GOLGB1: variants seen among roughly 807,000 people sequenced by gnomAD.
GOLGB1 encodes golgin B1.
In GOLGB1, 174 loss-of-function variants were observed where a neutral mutation model predicts 336.9. That is an observed-to-expected ratio of 0.52 (90% CI 0.46 to 0.59). The LOEUF (loss-of-function observed/expected upper bound fraction) is 0.59. GOLGB1 is among the 20% of genes least tolerant of loss of function. The pLI is 0.00. For missense variants in GOLGB1, 3,331 were observed against 3,645.3 expected (o/e 0.91, Z 2.22); for synonymous variants, 1,208 against 1,289.2 (o/e 0.94, Z 1.35).
intron 17 of GOLGB1, among the ~76,000 whole-genome samples, chr3:121,671,183 C>G (rs1939484513): frequency 6.6e-6 from 1 of 152,216 alleles, no homozygotes; most frequent in Non-Finnish European, 1.5e-5. Flanking sequence ...GCTGACCTCT[C>G]CTCTAGCTTA....
At chr3:121,732,623 G>A (rs1574735) in intron 1 of GOLGB1, among the ~76,000 whole-genome samples, 105,982 of 152,118 alleles carry the variant, frequency 0.7, 37,690 homozygotes, top group East Asian at 0.86. Flanking sequence ...ACCACATAAT[G>A]TCAATAGATT....
chr3:121,667,923 T>G (rs567213037), intron 19 of GOLGB1, 138 bp downstream of exon 19: 1 of 574,646 alleles, frequency 1.7e-6, no homozygotes, highest in East Asian at 2.9e-5. Context: ...TACTATTTGA[T>G]CCTCACATCA....
intron 17 of GOLGB1, among the ~76,000 whole-genome samples, chr3:121,673,645 CTAAG>C (rs1939886923): frequency 6.6e-6 from 1 of 151,882 alleles, no homozygotes; most frequent in Non-Finnish European, 1.5e-5. Context: ...AAATTGATTC[CTAAG>C]TATTTTAAAT....
intron 17 of GOLGB1, among the ~76,000 whole-genome samples, chr3:121,670,122 G>A (rs369894049): frequency 6.6e-6 from 1 of 152,136 alleles, no homozygotes; most frequent in Non-Finnish European, 1.5e-5. Flanking sequence ...TTTACCTATT[G>A]TAGCTTCTAC....
At chr3:121,719,887 A>G in intron 6 of GOLGB1, 119 bp from the exon 7 acceptor site, 1 of 811,586 alleles carries the variant, frequency 1.2e-6, no homozygotes, top group Non-Finnish European at 1.7e-6. Context: ...TTTAAAGTGA[A>G]ATTTTGATTG....
rs765644126 is a variant in GOLGB1 at position 121,698,527 on chromosome 3, A to G, written c.1996T>C (p.Leu666=). 16 of 1,613,748 alleles carry G rather than the reference A, an allele frequency of 9.9e-6. No individual in the cohort carries two copies. Among genetic ancestry groups the G allele is most frequent in the Non-Finnish European group, 1.3e-5 (15 of 1,179,774 alleles). ...TCACCATCCTGCTTTGTTGATTTCA[A>G]TTCTACTCCAGCATCATTTAAAGAT... ...EISLNDAGVE[L]KSTKQDGDKS... The change falls in exon 13 of 22, where the codon TTG becomes CTG. Residue 666 remains leucine (L), a synonymous_variant. Transcript: ENST00000614479.
chr3:121,677,007 G>A lies in GOLGB1; in HGVS notation c.9063C>T (p.Ser3021=), dbSNP rs868686619. ...QRQASPETSA[S]PDGSQNLVYE... ...AAACCAGATTTTGTGACCCATCTGG[G>A]GAAGCTGATGTCTCTGGGGATGCCT... Residue 3021 remains serine, a synonymous_variant, in exon 17 of 22, where the codon TCC becomes TCT. Transcript: ENST00000614479. 3 of 1,613,828 alleles carry A rather than the reference G, an allele frequency of 1.9e-6. No homozygotes were observed. Among genetic ancestry groups the A allele is most frequent in the Non-Finnish European group, 2.5e-6 (3 of 1,179,826 alleles).
At chr3:121,674,208 T>C (rs1288580535) in intron 17 of GOLGB1, among the ~76,000 whole-genome samples, 1 of 152,248 alleles carries the variant, frequency 6.6e-6, no homozygotes, top group Non-Finnish European at 1.5e-5. Context: ...AAGGCTAATT[T>C]GACCTCTTCC....
intron 20 of GOLGB1, among the ~76,000 whole-genome samples, chr3:121,665,861 C>A (rs1938538922): frequency 6.6e-6 from 1 of 152,232 alleles, no homozygotes; most frequent in Non-Finnish European, 1.5e-5. Context: ...AGGACACATT[C>A]TTTTCCCCGG....
chr3:121,713,980 A>G (rs1944551780), intron 10 of GOLGB1, among the ~76,000 whole-genome samples: 1 of 152,212 alleles, frequency 6.6e-6, no homozygotes, highest in South Asian at 2.1e-4. Flanking sequence ...TAATGATAGA[A>G]TTCAGATGGT....
intron 15 of GOLGB1, among the ~76,000 whole-genome samples, chr3:121,681,300 G>A (rs1362776055): frequency 6.6e-6 from 1 of 152,168 alleles, no homozygotes; most frequent in East Asian, 1.9e-4. Context: ...TGGTTGCTAG[G>A]GGTTAAGGAT....
At chr3:121,674,068 T>C (rs1939978827) in intron 17 of GOLGB1, among the ~76,000 whole-genome samples, 1 of 152,246 alleles carries the variant, frequency 6.6e-6, no homozygotes. Flanking sequence ...TGTTGGCATA[T>C]ATAAATGCTA....
intron 17 of GOLGB1, among the ~76,000 whole-genome samples, chr3:121,670,230 T>TA (rs1333855464): frequency 1.3e-5 from 2 of 152,200 alleles, no homozygotes; most frequent in African/African-American, 4.8e-5. Context: ...GGTACATTAA[T>TA]AACCATGGAG....
chr3:121,702,555 ACT>A lies in GOLGB1; in HGVS notation c.1443_1444del (p.Arg481SerfsTer7). The A allele has an allele frequency of 6.5e-7, 1 of 1,543,682 alleles. No homozygotes were observed. Among genetic ancestry groups the A allele is most frequent in the Non-Finnish European group, 8.7e-7 (1 of 1,145,980 alleles). ...TCCCTTTTCATTCTCTAGTTCTACC[ACT>A]CTCTTCTGCAAAGAAGCAATATTCT... is the stretch of plus-strand genomic sequence containing the variant. On this transcript the variant is annotated frameshift_variant, in exon 11 of 22. Transcript: ENST00000614479. LOFTEE classifies it high-confidence loss of function.
At chr3:121,667,644 A>T in intron 19 of GOLGB1, 34 bp from the exon 20 acceptor site, 1 of 1,605,426 alleles carries the variant, frequency 6.2e-7, no homozygotes, top group Non-Finnish European at 8.5e-7. Context: ...AAGCATCATC[A>T]GATGCAGAAA....
chr3:121,668,845 C>T (rs1939089792), intron 18 of GOLGB1, among the ~76,000 whole-genome samples: 1 of 152,074 alleles, frequency 6.6e-6, no homozygotes, highest in South Asian at 2.1e-4. Flanking sequence ...CAATGCTGTA[C>T]TCCTCTCCCT....
At chr3:121,684,127 C>CAAAAAAAAAAAAAAA (rs61510295) in intron 14 of GOLGB1, among the ~76,000 whole-genome samples, 8 of 10,910 alleles carry the variant, frequency 7.3e-4, no homozygotes, top group East Asian at 2.2e-3. Flanking sequence ...GACGCCGTCT[C>CAAAAAAAAAAAAAAA]AAAAAAAAAA....
chr3:121,669,307 C>T lies in GOLGB1; in HGVS notation c.9226G>A (p.Asp3076Asn), dbSNP rs771953268. 1.7e-5 allele frequency: 28 copies of T among 1,613,652 alleles called. No individual in the cohort carries two copies. Among genetic ancestry groups the T allele is most frequent in the Admixed American group, 8.3e-5 (5 of 60,006 alleles). ...EKNTLSIQLC[D>N]TSQSLRENQQ... ...TTCTCACGAAGACTCTGACTGGTATCGCAGAGCTGAATGGAAAGGGTGTTT... is the reference window on the plus strand; with the variant it reads ...TTCTCACGAAGACTCTGACTGGTATTGCAGAGCTGAATGGAAAGGGTGTTT... Residue 3076 changes from aspartate to asparagine, a missense_variant, in exon 18 of 22, where the codon GAT becomes AAT. By Grantham distance (23) the Asp-to-Asn change is conservative. Transcript: ENST00000614479.
At chr3:121,673,057 G>A (rs1156295008) in intron 17 of GOLGB1, among the ~76,000 whole-genome samples, 1 of 148,486 alleles carries the variant, frequency 6.7e-6, no homozygotes. Context: ...TGTTTTGTGT[G>A]TTTTTTTGTT....
Sources: gnomAD v4.1 joint callset for allele counts (sites outside exome capture counted in the v4.1 genomes callset) on GRCh38, gnomAD v4.1.1 for gene constraint, MANE v1.5 for transcripts, NCBI Gene and HGNC (gene_info 2026-07-23, HGNC 2026-07-21) for gene names.